Variants in NPAS3 observed in about 807,000 individuals in gnomAD.
The protein encoded by NPAS3 is neuronal PAS domain-containing protein 3.
NPAS3 carries 14 observed loss-of-function variants against 73.1 expected under a neutral mutation model. That is an observed-to-expected ratio of 0.19 (90% CI 0.13 to 0.30). The LOEUF (loss-of-function observed/expected upper bound fraction) is 0.30. Among genes scored for constraint, NPAS3 ranks in the 10% least tolerant of loss-of-function variants. The pLI is 1.00. For synonymous variants in NPAS3, 620 were observed against 541.5 expected (o/e 1.14, Z -2.01); for missense variants, 1,096 against 1,250.0 (o/e 0.88, Z 1.86).
intron 1 of NPAS3, among the ~76,000 whole-genome samples, chr14:32,994,967 T>C (rs1207333368): frequency 6.6e-6 from 1 of 152,198 alleles, no homozygotes; most frequent in African/African-American, 2.4e-5. Context: ...TTTAAGCACT[T>C]TGAGTTCCTT....
At chr14:33,746,859 G>C (rs2061818408) in intron 7 of NPAS3, among the ~76,000 whole-genome samples, 1 of 151,634 alleles carries the variant, frequency 6.6e-6, no homozygotes, top group African/African-American at 2.4e-5. Context: ...TCGTCATCTA[G>C]CATTAGGTAT....
chr14:32,938,668 G>T (rs1275858765), upstream of NPAS3, among the ~76,000 whole-genome samples: 1 of 151,276 alleles, frequency 6.6e-6, no homozygotes, highest in East Asian at 2.0e-4. Flanking sequence ...TAGACCCCGC[G>T]CCCCCCGCAG....
chr14:33,443,193 T>G (rs1322271632), intron 4 of NPAS3, among the ~76,000 whole-genome samples: 3 of 152,102 alleles, frequency 2.0e-5, no homozygotes, highest in Non-Finnish European at 2.9e-5. Flanking sequence ...TTTTCCTCAA[T>G]TTCAAGTCTA....
intron 4 of NPAS3, among the ~76,000 whole-genome samples, chr14:33,536,002 C>T (rs2140211374): frequency 6.6e-6 from 1 of 152,242 alleles, no homozygotes; most frequent in East Asian, 1.9e-4. Context: ...CAGAGTAAAA[C>T]CGCTGGAGAG....
At chr14:33,072,929 T>C (rs2041536174) in intron 2 of NPAS3, among the ~76,000 whole-genome samples, 1 of 152,186 alleles carries the variant, frequency 6.6e-6, no homozygotes, top group Non-Finnish European at 1.5e-5. Context: ...TACATATATA[T>C]AATTTTTAAA....
chr14:33,516,154 C>T (rs2053287221), intron 4 of NPAS3, among the ~76,000 whole-genome samples: 1 of 152,078 alleles, frequency 6.6e-6, no homozygotes. Context: ...GGTTACACAG[C>T]TAATCATAGC....
At chr14:33,647,658 A>G (rs566026422) in intron 5 of NPAS3, among the ~76,000 whole-genome samples, 13 of 152,232 alleles carry the variant, frequency 8.5e-5, no homozygotes, top group South Asian at 4.2e-4. Flanking sequence ...TTATTTCACA[A>G]TGTCAAGGAT....
intron 6 of NPAS3, among the ~76,000 whole-genome samples, chr14:33,713,271 A>C (rs547594285): frequency 1.1e-4 from 17 of 152,226 alleles, no homozygotes; most frequent in Non-Finnish European, 1.9e-4. Context: ...TTACAAAAAA[A>C]CAGGTTCCTT....
intron 4 of NPAS3, among the ~76,000 whole-genome samples, chr14:33,461,006 T>C (rs2050239438): frequency 6.6e-6 from 1 of 152,230 alleles, no homozygotes; most frequent in Admixed American, 6.5e-5. Flanking sequence ...TTTGAACTGC[T>C]CACCATATCA....
intron 4 of NPAS3, among the ~76,000 whole-genome samples, chr14:33,377,672 A>C (rs2046369018): frequency 6.6e-6 from 1 of 152,230 alleles, no homozygotes; most frequent in Admixed American, 6.5e-5. Context: ...TTCACTGAGA[A>C]AGAGTGAGAG....
At chr14:33,029,022 G>A (rs1165027695) in intron 1 of NPAS3, among the ~76,000 whole-genome samples, 2 of 152,118 alleles carry the variant, frequency 1.3e-5, no homozygotes, top group African/African-American at 4.8e-5. Context: ...GACAGCTTAG[G>A]AGTTTGATTA....
intron 6 of NPAS3, among the ~76,000 whole-genome samples, chr14:33,706,884 A>G (rs2060670888): frequency 6.6e-6 from 1 of 152,184 alleles, no homozygotes; most frequent in African/African-American, 2.4e-5. Context: ...AGGAAACAAG[A>G]ACTTGCCTGG....
chr14:33,695,787 G>C (rs1274683603), intron 6 of NPAS3, among the ~76,000 whole-genome samples: 2 of 152,190 alleles, frequency 1.3e-5, no homozygotes, highest in Non-Finnish European at 2.9e-5. Flanking sequence ...AAAAGGAATT[G>C]ATTGCCACAG....
At chr14:33,096,480 C>T (rs1439576720) in intron 2 of NPAS3, among the ~76,000 whole-genome samples, 8 of 152,084 alleles carry the variant, frequency 5.3e-5, no homozygotes, top group Admixed American at 2.6e-4. Flanking sequence ...TAAAGAGAGG[C>T]AATGTGTTTA....
chr14:32,938,236 C>A (rs1282442502), upstream of NPAS3, among the ~76,000 whole-genome samples: 3 of 152,072 alleles, frequency 2.0e-5, no homozygotes, highest in African/African-American at 7.2e-5. Context: ...TTGGGCCCAT[C>A]TGCTTGGGCC....
intron 3 of NPAS3, among the ~76,000 whole-genome samples, chr14:33,352,703 C>T (rs568428891): frequency 1.3e-5 from 2 of 152,118 alleles, no homozygotes; most frequent in African/African-American, 4.8e-5. Flanking sequence ...TTTCAAGATT[C>T]TTTGATGGAT....
upstream of NPAS3, chr14:32,939,304 A>G: frequency 1.4e-6 from 1 of 737,196 alleles, no homozygotes; most frequent in Non-Finnish European, 2.4e-6. Flanking sequence ...AGAGGAAAAA[A>G]AATAGCAGGA....
At chr14:33,197,268 T>TGTGTGTGTGTG (rs1555353808) in intron 2 of NPAS3, among the ~76,000 whole-genome samples, 24 of 98,032 alleles carry the variant, frequency 2.4e-4, no homozygotes, top group Middle Eastern at 6.3e-3. Context: ...TGTGTGTGTG[T>TGTGTGTGTGTG]TCTTTTTCAA....
intron 2 of NPAS3, among the ~76,000 whole-genome samples, chr14:33,071,680 T>G (rs1467901029): frequency 4.6e-5 from 7 of 152,296 alleles, no homozygotes; most frequent in African/African-American, 1.4e-4. Flanking sequence ...AAAATCTATA[T>G]CCAGTGTGCT....
Sources: allele counts gnomAD v4.1 joint callset (sites outside exome capture counted in the v4.1 genomes callset), GRCh38; gene constraint gnomAD v4.1.1; transcripts MANE v1.5; gene names NCBI Gene and HGNC (gene_info 2026-07-23, HGNC 2026-07-21).